The following METTL15 variants were observed in gnomAD, a reference collection of about 807,000 sequenced individuals.
METTL15 encodes the protein 12S rRNA N(4)-cytidine methyltransferase METTL15.
METTL15 carries 34 observed loss-of-function variants against 38.3 expected under a neutral mutation model. The observed-to-expected ratio is 0.89, with a 90% CI of 0.68 to 1.18. The LOEUF (loss-of-function observed/expected upper bound fraction) is 1.18. Ranked by LOEUF, METTL15 falls within the 50% of genes most tolerant of loss-of-function variation. METTL15 has a pLI of 0.00. For missense variants in METTL15, 438 were observed against 498.4 expected (o/e 0.88, Z 1.15); for synonymous variants, 162 against 170.9 (o/e 0.95, Z 0.41).
chr11:28,301,276 C>G (rs1183101413), intron 6 of METTL15, among the ~76,000 whole-genome samples: 1 of 152,070 alleles, frequency 6.6e-6, no homozygotes, highest in East Asian at 1.9e-4. Context: ...TCTCATCTCC[C>G]TGCCCTACCC....
intron 3 of METTL15, among the ~76,000 whole-genome samples, chr11:28,203,451 G>A (rs1228280221): frequency 2.0e-5 from 3 of 152,034 alleles, no homozygotes; most frequent in Non-Finnish European, 4.4e-5. Flanking sequence ...TAGGAACAAT[G>A]TTTCCATATG....
chr11:28,495,557 T>C (rs1365203108), intron 6 of METTL15, among the ~76,000 whole-genome samples: 1 of 152,192 alleles, frequency 6.6e-6, no homozygotes, highest in Middle Eastern at 3.2e-3. Flanking sequence ...GTACTTCCTC[T>C]TGCCAAGTCA....
At chr11:28,276,148 T>C (rs909107573) in intron 4 of METTL15, among the ~76,000 whole-genome samples, 6 of 152,088 alleles carry the variant, frequency 3.9e-5, no homozygotes, top group Non-Finnish European at 7.4e-5. Context: ...AAAAAGGAAG[T>C]CAAATTATTC....
chr11:28,312,119 A>G (rs1260841172), intron 6 of METTL15, among the ~76,000 whole-genome samples: 6 of 152,216 alleles, frequency 3.9e-5, no homozygotes, highest in Admixed American at 2.0e-4. Flanking sequence ...CGGCCAACTC[A>G]TTTCAGGTAC....
Position 28,459,462 on chromosome 11 carries a change from A to G in METTL15, c.*424+35098A>G, listed in dbSNP as rs1166888016. ...TTTCTAAAGCCTATGCCTTTTTCAT[A>G]GTGCCATCTTACCTTGTAATTTCAG... On this transcript the variant is annotated intron_variant and NMD_transcript_variant, in intron 6 of 7. Coordinates refer to the METTL15 transcript ENST00000532947. 2.0e-5 allele frequency among the ~76,000 whole-genome samples: 3 copies of G among 152,192 alleles called. No individual in the cohort carries two copies. The East Asian group carries it at 5.8e-4, about 29-fold the overall frequency.
At chr11:28,246,651 A>G (rs1316013727) in intron 4 of METTL15, among the ~76,000 whole-genome samples, 1 of 152,136 alleles carries the variant, frequency 6.6e-6, no homozygotes, top group Non-Finnish European at 1.5e-5. Context: ...CTATATTGCT[A>G]TTACCATGAC....
intron 5 of METTL15, among the ~76,000 whole-genome samples, chr11:28,395,733 G>A (rs549603919): frequency 1.8e-4 from 28 of 152,070 alleles, no homozygotes; most frequent in Non-Finnish European, 2.6e-4. Flanking sequence ...AGAATCCTCC[G>A]TAACTCATTT....
intron 4 of METTL15, among the ~76,000 whole-genome samples, chr11:28,358,813 T>C (rs1221331432): frequency 1.3e-5 from 2 of 152,240 alleles, no homozygotes; most frequent in East Asian, 1.9e-4. Context: ...TGTGAAAGGA[T>C]AAATAAACTG....
intron 4 of METTL15, among the ~76,000 whole-genome samples, chr11:28,252,377 A>G (rs1854780924): frequency 1.3e-5 from 2 of 152,098 alleles, no homozygotes; most frequent in Admixed American, 6.6e-5. Flanking sequence ...GTTCTCTTAA[A>G]CTTGACTTTC....
At chr11:28,387,000 G>A (rs781643500) in intron 5 of METTL15, among the ~76,000 whole-genome samples, 5 of 151,876 alleles carry the variant, frequency 3.3e-5, no homozygotes, top group Non-Finnish European at 7.4e-5. Flanking sequence ...AAAATATCTT[G>A]AGAAAAATGA....
chr11:28,500,769 C>T (rs948398600), intron 6 of METTL15, among the ~76,000 whole-genome samples: 3 of 152,274 alleles, frequency 2.0e-5, no homozygotes, highest in East Asian at 3.9e-4. Context: ...ATGATTCACT[C>T]TCCTTGGCCC....
At chr11:28,338,090 C>G (rs1457423874), downstream of METTL15, among the ~76,000 whole-genome samples, 2 of 144,026 alleles carry the variant, frequency 1.4e-5, no homozygotes, top group Non-Finnish European at 3.0e-5. Context: ...TTTTTTTTTT[C>G]CTGTCTTCAC....
At chr11:28,152,076 A>G (rs1156613753) in intron 3 of METTL15, among the ~76,000 whole-genome samples, 2 of 152,018 alleles carry the variant, frequency 1.3e-5, no homozygotes, top group African/African-American at 2.4e-5. Flanking sequence ...TTATTTCCCA[A>G]GACTTTTAGA....
At chr11:28,295,494 G>A (rs575642254) in intron 5 of METTL15, among the ~76,000 whole-genome samples, 1 of 152,088 alleles carries the variant, frequency 6.6e-6, no homozygotes, top group Non-Finnish European at 1.5e-5. Flanking sequence ...TAAGCTACTC[G>A]GGAGGCTGAG....
intron 4 of METTL15, among the ~76,000 whole-genome samples, chr11:28,247,753 T>C (rs751256628): frequency 6.6e-6 from 1 of 152,088 alleles, no homozygotes; most frequent in Non-Finnish European, 1.5e-5. Context: ...GTACAGTAGA[T>C]GGCTTACAGG....
intron 4 of METTL15, among the ~76,000 whole-genome samples, chr11:28,273,942 G>A (rs1487588675): frequency 5.3e-5 from 8 of 151,974 alleles, no homozygotes; most frequent in Non-Finnish European, 1.2e-4. Context: ...CAAAACAATG[G>A]CAATTAAGAT....
At chr11:28,263,434 G>A (rs1171371678) in intron 4 of METTL15, among the ~76,000 whole-genome samples, 2 of 151,946 alleles carry the variant, frequency 1.3e-5, no homozygotes, top group South Asian at 2.1e-4. Context: ...AGAGAAAATC[G>A]GTTAAATGTA....
At chr11:28,118,630 T>C (rs971636628) in intron 3 of METTL15, among the ~76,000 whole-genome samples, 3 of 152,180 alleles carry the variant, frequency 2.0e-5, no homozygotes, top group African/African-American at 7.2e-5. Flanking sequence ...GGTAGCAGTT[T>C]GGAGAGTATA....
intron 6 of METTL15, chr11:28,519,154 A>G (rs1302220135): frequency 1.3e-5 from 2 of 152,182 alleles, no homozygotes; most frequent in African/African-American, 2.4e-5. Context: ...TTTTGTGTGG[A>G]TGAAATTCAC....
Sources: allele counts gnomAD v4.1 joint callset (sites outside exome capture counted in the v4.1 genomes callset), GRCh38; gene constraint gnomAD v4.1.1; transcripts MANE v1.5; gene names NCBI Gene and HGNC (gene_info 2026-07-23, HGNC 2026-07-21).